Variants in ZDHHC15 observed in about 807,000 individuals in gnomAD.
The protein encoded by ZDHHC15 is palmitoyltransferase ZDHHC15.
In ZDHHC15, 19 loss-of-function variants were observed where a neutral mutation model predicts 31.7. The ratio of observed to expected loss-of-function variants is 0.60; its 90% CI spans 0.42 to 0.88. The LOEUF is 0.88. Among genes scored for constraint, ZDHHC15 ranks in the 40% least tolerant of loss-of-function variants. The pLI is 0.00. For synonymous variants in ZDHHC15, 103 were observed against 90.0 expected, an observed-to-expected ratio of 1.14 and a Z score of -0.82; for missense variants, 209 against 251.2, an observed-to-expected ratio of 0.83 and a Z score of 1.14.
chrX:75,428,922 T>C (rs1323744334), intron 7 of ZDHHC15, among the ~76,000 whole-genome samples, 156 bp downstream of exon 7: 1 of 111,711 alleles, frequency 9.0e-6, no homozygotes, highest in Non-Finnish European at 1.9e-5. Flanking sequence ...TCTCAGAGTA[T>C]TCAATATGGA....
chrX:75,466,411 A>G (rs142572672), intron 3 of ZDHHC15, among the ~76,000 whole-genome samples: 2,657 of 111,438 alleles, frequency 0.024, 76 homozygotes, highest in African/African-American at 0.083. Context: ...AGCCAGAAAT[A>G]CCATTTGACC....
chrX:75,509,688 T>A (rs1229136299), intron 1 of ZDHHC15, among the ~76,000 whole-genome samples: 1 of 112,711 alleles, frequency 8.9e-6, no homozygotes, highest in African/African-American at 3.2e-5. Context: ...TTTCCTCATC[T>A]GTAAAACGAT....
At chrX:75,413,589 C>T (rs2083510256) in intron 10 of ZDHHC15, among the ~76,000 whole-genome samples, 1 of 108,720 alleles carries the variant, frequency 9.2e-6, no homozygotes, top group Admixed American at 9.8e-5. Context: ...CACTTGAGCC[C>T]GGGAGGCAGA....
intron 3 of ZDHHC15, among the ~76,000 whole-genome samples, chrX:75,456,322 G>A (rs1323690861): frequency 1.9e-5 from 2 of 105,821 alleles, no homozygotes; most frequent in African/African-American, 6.9e-5. Flanking sequence ...TTGGACACAG[G>A]GCGGGGTACA....
intron 2 of ZDHHC15, among the ~76,000 whole-genome samples, chrX:75,489,091 T>A (rs1390026824): frequency 1.8e-5 from 2 of 111,863 alleles, no homozygotes; most frequent in African/African-American, 6.5e-5. Flanking sequence ...CAAAGCTGCC[T>A]GGAAGATTGA....
chrX:75,483,875 T>A (rs2084734530), intron 2 of ZDHHC15, among the ~76,000 whole-genome samples: 1 of 111,359 alleles, frequency 9.0e-6, no homozygotes, highest in East Asian at 2.8e-4. Context: ...ATTGCCTATA[T>A]GGTGGGTACG....
intron 9 of ZDHHC15, among the ~76,000 whole-genome samples, chrX:75,421,400 T>A (rs376214925): frequency 0.016 from 82 of 5,165 alleles, 1 homozygote; most frequent in Admixed American, 0.028. Context: ...ATATATATAT[T>A]ATATATATAT....
intron 10 of ZDHHC15, among the ~76,000 whole-genome samples, chrX:75,414,243 T>G (rs987504406): frequency 4.5e-5 from 5 of 110,672 alleles, no homozygotes; most frequent in Admixed American, 2.9e-4. Context: ...ATTAAACCTT[T>G]TATTTTCAAA....
intron 2 of ZDHHC15, among the ~76,000 whole-genome samples, chrX:75,486,700 C>T (rs2084783333): frequency 9.0e-6 from 1 of 111,513 alleles, no homozygotes; most frequent in Non-Finnish European, 1.9e-5. Context: ...TAGGTGAGGC[C>T]TGTCACTGCT....
chrX:75,458,611 C>G (rs781209724), intron 3 of ZDHHC15, among the ~76,000 whole-genome samples: 1 of 111,066 alleles, frequency 9.0e-6, no homozygotes, highest in East Asian at 2.9e-4. Context: ...CTGTCATTCT[C>G]AGGTAGAGTG....
chrX:75,516,624 T>A (rs1010928330), intron 1 of ZDHHC15, among the ~76,000 whole-genome samples: 1 of 111,801 alleles, frequency 8.9e-6, no homozygotes, highest in Non-Finnish European at 1.9e-5. Context: ...ACCTAAAACC[T>A]TAAAAACCCT....
intron 4 of ZDHHC15, among the ~76,000 whole-genome samples, chrX:75,444,332 G>A (rs781528178): frequency 9.3e-6 from 1 of 107,974 alleles, no homozygotes; most frequent in African/African-American, 3.4e-5. Flanking sequence ...CATGGATGAA[G>A]CTTGAAGCCA....
At chrX:75,469,369 T>G (rs2084466695) in intron 3 of ZDHHC15, among the ~76,000 whole-genome samples, 1 of 111,972 alleles carries the variant, frequency 8.9e-6, no homozygotes, top group Non-Finnish European at 1.9e-5. Context: ...CAAACTGATA[T>G]TCTATACTAA....
chrX:75,379,827 G>A (rs770802439), intron 10 of ZDHHC15, among the ~76,000 whole-genome samples: 95 of 112,035 alleles, frequency 8.5e-4, no homozygotes, highest in African/African-American at 3.0e-3. Context: ...TTTCTGCACA[G>A]CACAGTGTCT....
intron 2 of ZDHHC15, among the ~76,000 whole-genome samples, chrX:75,488,943 G>C (rs2084822898): frequency 8.9e-6 from 1 of 112,079 alleles, no homozygotes; most frequent in Non-Finnish European, 1.9e-5. Context: ...GGCACACCAG[G>C]AGATTATATC....
chrX:75,407,812 G>A (rs767920189), intron 10 of ZDHHC15, among the ~76,000 whole-genome samples: 9 of 110,470 alleles, frequency 8.1e-5, no homozygotes, highest in South Asian at 7.7e-4. Flanking sequence ...AGATTGTTGC[G>A]TTGTCTGTGT....
intron 10 of ZDHHC15, among the ~76,000 whole-genome samples, chrX:75,409,503 A>C (rs1388297578): frequency 1.9e-5 from 2 of 104,370 alleles, no homozygotes; most frequent in East Asian, 3.0e-4. Context: ...AAAAAAAAAA[A>C]AAAAAAAAAA....
At chrX:75,381,634 A>G in intron 10 of ZDHHC15, among the ~76,000 whole-genome samples, 1 of 111,660 alleles carries the variant, frequency 9.0e-6, no homozygotes, top group South Asian at 3.8e-4. Context: ...GCTATTTTCT[A>G]TGTTATCAAG....
chrX:75,493,030 C>T (rs374021960), intron 2 of ZDHHC15, among the ~76,000 whole-genome samples: 10 of 111,089 alleles, frequency 9.0e-5, no homozygotes, highest in Admixed American at 2.9e-4. Flanking sequence ...ATTGATAGAC[C>T]GCTAGCAAGA....
Sources: allele counts gnomAD v4.1 joint callset (sites outside exome capture counted in the v4.1 genomes callset), GRCh38; gene constraint gnomAD v4.1.1; transcripts MANE v1.5; gene names NCBI Gene and HGNC (gene_info 2026-07-23, HGNC 2026-07-21).